Variants in RDH12 observed in about 807,000 individuals in gnomAD.
The protein encoded by RDH12 is retinol dehydrogenase 12.
In RDH12, 21 loss-of-function variants were observed where a neutral mutation model predicts 34.0. The ratio of observed to expected loss-of-function variants is 0.62; its 90% CI spans 0.44 to 0.89. RDH12 has a LOEUF of 0.89. Ranked by LOEUF, RDH12 falls within the 40% of genes least tolerant of loss-of-function variation. RDH12 has a pLI of 0.00. For synonymous variants in RDH12, 198 were observed against 169.9 expected, an observed-to-expected ratio of 1.17 and a Z score of -1.29; for missense variants, 394 against 398.6, an observed-to-expected ratio of 0.99 and a Z score of 0.10.
At position 67,713,328 on chromosome 14, in the gene RDH12, G is replaced by A. The variant is rs1185606302; in HGVS notation, c.-274-7520G>A. On this transcript the variant is annotated intron_variant, in intron 1 of 8. Coordinates refer to ENST00000551171, the MANE Select transcript of RDH12 (RefSeq NM_152443.3). ...GGAAGTGAGCTCAAACTCCATAAAG[G>A]AGTTACCTGCTTTCCATCGTCATGG... Among the ~76,000 whole-genome samples, 5 of 142,294 alleles carry A rather than the reference G, an allele frequency of 3.5e-5. No individual in the cohort carries two copies. The Admixed American group carries it at 3.7e-4, about 11-fold the overall frequency. The allele number at this position is 142,294 out of a possible 152,430, so 93.4% of individuals were successfully genotyped here.
chr14:67,703,539 G>A (rs1206545425), intron 1 of RDH12, among the ~76,000 whole-genome samples: 2 of 152,180 alleles, frequency 1.3e-5, no homozygotes, highest in African/African-American at 2.4e-5. Flanking sequence ...GAGGTAGACA[G>A]AGAACTTAGA....
At chr14:67,714,688 C>A in intron 1 of RDH12, 1 of 153,598 alleles carries the variant, frequency 6.5e-6, no homozygotes, top group South Asian at 2.0e-4. Flanking sequence ...GGGAACTGTT[C>A]AAAAATGCCC....
rs767104580 is a variant in RDH12 at position 67,733,873 on chromosome 14, C to T, written c.*25C>T. On this transcript the variant is annotated 3_prime_UTR_variant, in exon 9 of 9. Transcript: ENST00000551171. ...GCTGGTGGAAGAGCTGCAGCTTTAT[C>T]AGGCCCAATCCATGCCATAATGAAC... 1 of 1,533,732 alleles carries T rather than the reference C, an allele frequency of 6.5e-7. No individual in the cohort carries two copies. Among genetic ancestry groups the T allele is most frequent in the African/African-American group, 1.4e-5 (1 of 73,212 alleles).
intron 7 of RDH12, chr14:67,728,224 A>C (rs541035846): frequency 1.4e-4 from 22 of 152,376 alleles, no homozygotes; most frequent in Non-Finnish European, 2.4e-4. Flanking sequence ...GAATGCCTAC[A>C]GTAGAAGAAG....
intron 1 of RDH12, among the ~76,000 whole-genome samples, chr14:67,709,368 T>A (rs2037985449): frequency 6.6e-6 from 1 of 152,356 alleles, no homozygotes; most frequent in South Asian, 2.1e-4. Context: ...TTTTTCAAAA[T>A]TTTATAAACA....
intron 8 of RDH12, among the ~76,000 whole-genome samples, chr14:67,732,006 A>T (rs2038282936): frequency 6.6e-6 from 1 of 151,886 alleles, no homozygotes; most frequent in African/African-American, 2.4e-5. Flanking sequence ...GGGTGCCTGT[A>T]ATCCCAGCCA....
chr14:67,724,659 C>A, intron 4 of RDH12, 68 bp downstream of exon 4: 1 of 1,179,272 alleles, frequency 8.5e-7, no homozygotes, highest in Non-Finnish European at 1.3e-6. Context: ...GGGCCTCTGT[C>A]CATATTGCTT....
At chr14:67,731,899 G>A (rs1266504861) in intron 8 of RDH12, among the ~76,000 whole-genome samples, 1 of 151,902 alleles carries the variant, frequency 6.6e-6, no homozygotes, top group Non-Finnish European at 1.5e-5. Flanking sequence ...GGCTGAGGTG[G>A]GTGGATCACT....
At chr14:67,729,054 A>G (rs2038229387) in intron 7 of RDH12, 137 bp from the exon 8 acceptor site, 1 of 874,928 alleles carries the variant, frequency 1.1e-6, no homozygotes, top group African/African-American at 1.6e-5. Context: ...CCGCCTGGCC[A>G]GGAGTGGTAC....
intron 4 of RDH12, 67 bp from the exon 5 acceptor site, chr14:67,725,032 T>G (rs1043231482): frequency 1.3e-6 from 2 of 1,564,202 alleles, no homozygotes; most frequent in African/African-American, 1.4e-5. Context: ...AGTCCCAAGC[T>G]CACTTACTAT....
At chr14:67,702,916 T>G (rs540414660) in intron 1 of RDH12, among the ~76,000 whole-genome samples, 4 of 152,266 alleles carry the variant, frequency 2.6e-5, no homozygotes, top group East Asian at 3.9e-4. Context: ...CAGGCTCAAG[T>G]GATTCTCCCA....
At chr14:67,724,407 TTTA>T in intron 3 of RDH12, 63 bp from the exon 4 acceptor site, 6 of 1,007,782 alleles carry the variant, frequency 6.0e-6, no homozygotes, top group East Asian at 2.9e-5. Context: ...TTTTTTTTTT[TTTA>T]ACGTATCTTA....
chr14:67,724,309 G>A (rs1329336966), intron 3 of RDH12, among the ~76,000 whole-genome samples, 164 bp from the exon 4 acceptor site: 1 of 151,972 alleles, frequency 6.6e-6, no homozygotes, highest in African/African-American at 2.4e-5. Context: ...CTTGCCCCAT[G>A]GAAAAATGTT....
chr14:67,708,015 C>T (rs931010459), intron 1 of RDH12, among the ~76,000 whole-genome samples: 1 of 152,160 alleles, frequency 6.6e-6, no homozygotes, highest in Non-Finnish European at 1.5e-5. Context: ...CAATTGTGTC[C>T]TGTTACAAAT....
chr14:67,725,483 C>T (rs1012927958), intron 5 of RDH12, among the ~76,000 whole-genome samples: 6 of 152,200 alleles, frequency 3.9e-5, no homozygotes, highest in Non-Finnish European at 1.5e-5. Context: ...GAGGTGTTAG[C>T]TCCCTGTCTG....
intron 1 of RDH12, among the ~76,000 whole-genome samples, chr14:67,719,606 C>T (rs890449596): frequency 7.2e-5 from 11 of 152,124 alleles, no homozygotes; most frequent in African/African-American, 2.7e-4. Context: ...TCCCAAGTAG[C>T]TGGGACCACA....
At chr14:67,706,388 G>A (rs1168267150) in intron 1 of RDH12, 2 of 152,212 alleles carry the variant, frequency 1.3e-5, no homozygotes, top group South Asian at 2.1e-4. Context: ...GTGTCCCCAC[G>A]ACACAGCCTT....
chr14:67,710,119 A>G (rs576835271), intron 1 of RDH12, among the ~76,000 whole-genome samples: 3 of 152,316 alleles, frequency 2.0e-5, no homozygotes, highest in Non-Finnish European at 2.9e-5. Context: ...TACTTCTTAC[A>G]TATATTGATT....
At chr14:67,725,457 A>G (rs1190632925) in intron 5 of RDH12, among the ~76,000 whole-genome samples, 1 of 152,204 alleles carries the variant, frequency 6.6e-6, no homozygotes, top group Admixed American at 6.5e-5. Context: ...TTTTCGCCTC[A>G]GCAATGGGAA....
Sources: gnomAD v4.1 joint callset for allele counts (sites outside exome capture counted in the v4.1 genomes callset) on GRCh38, gnomAD v4.1.1 for gene constraint, MANE v1.5 for transcripts, NCBI Gene and HGNC (gene_info 2026-07-23, HGNC 2026-07-21) for gene names.